Variants in KXD1 observed in about 807,000 individuals in gnomAD.
KXD1 encodes KxDL motif containing 1, also known as kxDL motif-containing protein 1.
Under a neutral mutation model 12.1 loss-of-function variants are expected in KXD1, and 5 were observed. The observed-to-expected ratio is 0.41, with a 90% CI of 0.22 to 0.87. The LOEUF (loss-of-function observed/expected upper bound fraction) is 0.87, where lower values mean the gene tolerates loss of function less well. KXD1 is among the 40% of genes least tolerant of loss of function. The probability of loss-of-function intolerance (pLI) is 0.31; values close to 1 mark genes in which losing one functional copy is unlikely to be tolerated. For synonymous variants in KXD1, 98 were observed against 100.5 expected (o/e 0.98, Z 0.15); for missense variants, 193 against 244.9 (o/e 0.79, Z 1.41).
At chr19:18,565,226 C>CA in intron 3 of KXD1, 1 of 1,217,804 alleles carries the variant, frequency 8.2e-7, no homozygotes, top group Admixed American at 3.1e-5. Flanking sequence ...TTGATCGAGA[C>CA]AGAGTTTTTT....
At chr19:18,567,090 T>C (rs930690675) in intron 3 of KXD1, 42 bp from the exon 4 acceptor site, 2 of 1,606,622 alleles carry the variant, frequency 1.2e-6, no homozygotes, top group Admixed American at 3.4e-5. Flanking sequence ...CCAGCCTACC[T>C]GCTCAGCAGG....
chr19:18,564,767 G>C (rs1046271713), intron 2 of KXD1, 102 bp from the exon 3 acceptor site: 31 of 1,327,258 alleles, frequency 2.3e-5, no homozygotes, highest in Non-Finnish European at 3.1e-5. Context: ...CCATGCAAAG[G>C]TTGTGAAGCA....
At chr19:18,563,054 T>G (rs925387145) in intron 2 of KXD1, among the ~76,000 whole-genome samples, 2 of 152,254 alleles carry the variant, frequency 1.3e-5, no homozygotes, top group African/African-American at 2.4e-5. Flanking sequence ...TTTTTGTGAT[T>G]TTTTTCTTTT....
chr19:18,558,955 G>A (rs987462598), intron 1 of KXD1: 3 of 145,886 alleles, frequency 2.1e-5, no homozygotes, highest in African/African-American at 5.1e-5. Context: ...TACTAGCTAT[G>A]GGCCTCCCTC....
At chr19:18,560,004 C>CCCTCCCTCCCTCCCTT (rs1974866965) in intron 1 of KXD1, 1 of 133,608 alleles carries the variant, frequency 7.5e-6, no homozygotes, top group Admixed American at 7.5e-5. Flanking sequence ...CTCCCTCCCT[C>CCCTCCCTCCCTCCCTT]CCTTCCTTCC....
intron 3 of KXD1, among the ~76,000 whole-genome samples, chr19:18,566,475 CAT>C (rs1975242026): frequency 7.2e-6 from 1 of 139,234 alleles, no homozygotes; most frequent in Non-Finnish European, 1.6e-5. Flanking sequence ...AAAAAAGTAA[CAT>C]AGTGCTAGAC....
intron 2 of KXD1, among the ~76,000 whole-genome samples, 167 bp from the exon 3 acceptor site, chr19:18,564,702 G>C (rs1416235648): frequency 2.6e-5 from 4 of 152,176 alleles, no homozygotes; most frequent in African/African-American, 9.6e-5. Flanking sequence ...GGTTGAATAG[G>C]AGTTTGCTAG....
intron 2 of KXD1, among the ~76,000 whole-genome samples, 200 bp from the exon 3 acceptor site, chr19:18,564,669 A>G (rs565376187): frequency 3.3e-5 from 5 of 152,310 alleles, no homozygotes; most frequent in African/African-American, 7.2e-5. Flanking sequence ...CATGAGAAGG[A>G]CACACTTGAG....
rs916984251 is a variant in KXD1 at position 18,568,872 on chromosome 19, G to A, written c.*241G>A. 9.3e-6 allele frequency: 5 copies of A among 536,630 alleles called. No homozygotes were observed. The highest frequency in any genetic ancestry group is 2.3e-5 in the South Asian group (1 of 43,212). The allele number at this position is 536,630 out of a possible 1,614,324, so 33.2% of individuals were successfully genotyped here. The stretch of plus-strand genomic sequence containing the variant: ...AGACCCCTCTGCCATGCCAGGGCAC[G>A]CCCATTCCAGCTGGAGTCGTGGGGC... On this transcript the variant is annotated 3_prime_UTR_variant, in exon 5 of 5. Coordinates refer to ENST00000222307, the MANE Select transcript of KXD1 (RefSeq NM_024069.4).
In KXD1 at chr19:18,567,192, A is replaced by G. The variant is rs773609324; in HGVS notation, c.301+14A>G. On this transcript the variant is annotated intron_variant, in intron 4 of 4. Coordinates refer to ENST00000222307, the MANE Select transcript of KXD1 (RefSeq NM_024069.4). Reference sequence around the variant, plus strand: ...AGGCCTTCAGCCGTAAGTGTCACGCAGGGTTCCTGCTCCCGAGCACGTCAG... The same window carrying G: ...AGGCCTTCAGCCGTAAGTGTCACGCGGGGTTCCTGCTCCCGAGCACGTCAG... 2 of 1,613,964 alleles carry G rather than the reference A, an allele frequency of 1.2e-6. No individual in the cohort carries two copies. Among genetic ancestry groups the G allele is most frequent in the Non-Finnish European group, 1.7e-6 (2 of 1,179,860 alleles).
At chr19:18,566,772 G>A (rs1357274176) in intron 3 of KXD1, among the ~76,000 whole-genome samples, 2 of 151,002 alleles carry the variant, frequency 1.3e-5, no homozygotes, top group African/African-American at 2.4e-5. Context: ...CACCCTGGGC[G>A]ACAGAGTGAG....
chr19:18,568,350 T>A, intron 4 of KXD1, 52 bp from the exon 5 acceptor site: 1 of 1,363,442 alleles, frequency 7.3e-7, no homozygotes, highest in Non-Finnish European at 1.0e-6. Flanking sequence ...AAGTCCTACA[T>A]CACAGAGCTT....
At chr19:18,563,171 T>C (rs945337987) in intron 2 of KXD1, among the ~76,000 whole-genome samples, 3 of 152,164 alleles carry the variant, frequency 2.0e-5, no homozygotes, top group East Asian at 1.9e-4. Context: ...TGGACACCAC[T>C]GGGCTAATAC....
rs771473834 is a variant in KXD1 at position 18,567,298 on chromosome 19, G to A, written c.301+120G>A. On this transcript the variant is annotated intron_variant, in intron 4 of 4. Coordinates refer to ENST00000222307, the MANE Select transcript of KXD1 (RefSeq NM_024069.4). ...CCAGGCTGTAATGGGCAGTGGGTCT[G>A]GGGAAACCTGGGGTGGGGGCAGGGT... is the stretch of plus-strand genomic sequence containing the variant. The A allele has an allele frequency of 6.1e-6, 6 of 991,616 alleles. No individual in the cohort carries two copies. In the South Asian group the frequency reaches 8.4e-5, roughly 14 times the overall value. 61.4% of individuals were successfully genotyped at this position (991,616 alleles called of 1,614,324 possible). A position where few individuals can be genotyped will look rare whatever the true frequency, so the allele number is the denominator to read the frequency against.
chr19:18,566,257 C>T (rs62137091), intron 3 of KXD1, among the ~76,000 whole-genome samples: 97,177 of 151,304 alleles, frequency 0.64, 31,583 homozygotes, highest in African/African-American at 0.75. Flanking sequence ...AAGACCATCC[C>T]GGCTAACATG....
chr19:18,567,185 G>A lies in KXD1; in HGVS notation c.301+7G>A, dbSNP rs375504320. ...CACCCAGAGGCCTTCAGCCGTAAGT[G>A]TCACGCAGGGTTCCTGCTCCCGAGC... On this transcript the variant is annotated splice_region_variant and intron_variant, in intron 4 of 4. Coordinates refer to ENST00000222307, the MANE Select transcript of KXD1 (RefSeq NM_024069.4). The A allele has an allele frequency of 1.2e-6, 2 of 1,613,962 alleles. No individual in the cohort carries two copies. The highest frequency in any genetic ancestry group is 2.2e-5 in the East Asian group (1 of 44,894).
intron 1 of KXD1, chr19:18,560,079 A>G (rs2145215916): frequency 7.0e-6 from 1 of 142,044 alleles, no homozygotes; most frequent in South Asian, 2.2e-4. Flanking sequence ...ATCTCGGCTC[A>G]TTGCAACCTC....
intron 2 of KXD1, 43 bp downstream of exon 2, chr19:18,562,200 A>G (rs1238346595): frequency 1.4e-6 from 2 of 1,456,638 alleles, no homozygotes; most frequent in Admixed American, 4.0e-5. Context: ...AGGAATCCAC[A>G]GGCTGGCCAA....
chr19:18,562,512 G>A lies in KXD1; in HGVS notation c.101+355G>A, dbSNP rs919730602. Among the ~76,000 whole-genome samples, 11 of 152,190 alleles carry A rather than the reference G, an allele frequency of 7.2e-5. No homozygotes were observed. The East Asian group carries it at 7.7e-4, about 11-fold the overall frequency. ...TTTTGCTCTTGTTGCCCAGGCTAGA[G>A]TGCAATGGTGTGACCTTGCCTCACT... is the stretch of plus-strand genomic sequence containing the variant. On this transcript the variant is annotated intron_variant, in intron 2 of 4. Transcript: ENST00000222307.
Sources: gnomAD v4.1 joint callset for allele counts (sites outside exome capture counted in the v4.1 genomes callset) on GRCh38, gnomAD v4.1.1 for gene constraint, MANE v1.5 for transcripts, NCBI Gene and HGNC (gene_info 2026-07-23, HGNC 2026-07-21) for gene names.